Variants in GUCY1A2 observed in about 807,000 individuals in gnomAD.
The protein encoded by GUCY1A2 is guanylate cyclase soluble subunit alpha-2.
GUCY1A2 carries 27 observed loss-of-function variants against 63.5 expected under a neutral mutation model. The observed-to-expected ratio is 0.43, with a 90% CI of 0.31 to 0.59. The LOEUF (loss-of-function observed/expected upper bound fraction) is 0.59, where lower values mean the gene tolerates loss of function less well. Ranked by LOEUF, GUCY1A2 falls within the 20% of genes least tolerant of loss-of-function variation. The pLI is 0.11. For missense variants in GUCY1A2, 768 were observed against 913.3 expected (o/e 0.84, Z 2.05); for synonymous variants, 364 against 343.5 (o/e 1.06, Z -0.66).
intron 4 of GUCY1A2, among the ~76,000 whole-genome samples, chr11:106,815,517 T>C (rs1169647304): frequency 6.7e-6 from 1 of 148,362 alleles, no homozygotes; most frequent in Non-Finnish European, 1.5e-5. Flanking sequence ...ATAATAATAA[T>C]AATAAAAAAG....
At chr11:106,797,139 G>C (rs1248752363) in intron 5 of GUCY1A2, among the ~76,000 whole-genome samples, 2 of 151,976 alleles carry the variant, frequency 1.3e-5, no homozygotes, top group Non-Finnish European at 2.9e-5. Flanking sequence ...GTCATTTAAG[G>C]ACTTCTCTAC....
chr11:106,781,281 TAAG>T (rs370108751), intron 5 of GUCY1A2, among the ~76,000 whole-genome samples: 36 of 152,290 alleles, frequency 2.4e-4, no homozygotes, highest in African/African-American at 8.4e-4. Context: ...TGGCACTGGG[TAAG>T]AATAAAGATG....
At chr11:106,726,376 A>G (rs1348609529) in intron 6 of GUCY1A2, among the ~76,000 whole-genome samples, 2 of 152,282 alleles carry the variant, frequency 1.3e-5, no homozygotes, top group African/African-American at 2.4e-5. Context: ...AGACCGGGCC[A>G]TTGTACTCCA....
chr11:106,711,810 T>C (rs956672376), intron 6 of GUCY1A2, among the ~76,000 whole-genome samples: 3 of 152,194 alleles, frequency 2.0e-5, no homozygotes, highest in Admixed American at 6.5e-5. Context: ...TCACTGCATA[T>C]TGAATTCTAG....
intron 4 of GUCY1A2, among the ~76,000 whole-genome samples, chr11:106,882,749 A>G (rs534203725): frequency 1.7e-4 from 26 of 152,136 alleles, no homozygotes; most frequent in African/African-American, 6.0e-4. Flanking sequence ...TGCCATCAAA[A>G]TGTGTCCCCA....
chr11:106,744,199 T>G (rs564767369), intron 6 of GUCY1A2, among the ~76,000 whole-genome samples: 13 of 151,720 alleles, frequency 8.6e-5, no homozygotes, highest in Non-Finnish European at 1.9e-4. Flanking sequence ...AAACTTCTAG[T>G]ATAGCAAATA....
intron 4 of GUCY1A2, among the ~76,000 whole-genome samples, chr11:106,860,076 T>C (rs1315905461): frequency 2.6e-5 from 4 of 151,978 alleles, no homozygotes; most frequent in Admixed American, 6.6e-5. Context: ...GTGCTTTTAA[T>C]TGCTATTTTA....
intron 5 of GUCY1A2, among the ~76,000 whole-genome samples, chr11:106,780,171 C>A (rs1864433760): frequency 1.3e-5 from 2 of 152,096 alleles, no homozygotes; most frequent in African/African-American, 4.8e-5. Context: ...TTCTCTCTTT[C>A]TCTCCATAGG....
intron 4 of GUCY1A2, among the ~76,000 whole-genome samples, chr11:106,874,513 T>A (rs1290760249): frequency 2.6e-5 from 4 of 152,204 alleles, no homozygotes; most frequent in African/African-American, 7.2e-5. Context: ...GCATAGTGAC[T>A]GCTCTGTTCA....
chr11:106,699,761 A>T (rs891767500), intron 7 of GUCY1A2, among the ~76,000 whole-genome samples: 1 of 152,056 alleles, frequency 6.6e-6, no homozygotes, highest in South Asian at 2.1e-4. Flanking sequence ...TAAATCATAA[A>T]GAAAAATATG....
chr11:106,765,711 A>C (rs1864150800), intron 6 of GUCY1A2, among the ~76,000 whole-genome samples: 1 of 152,084 alleles, frequency 6.6e-6, no homozygotes, highest in Non-Finnish European at 1.5e-5. Context: ...TTACATGGTC[A>C]TTTGACCATC....
At position 106,824,951 on chromosome 11, in the gene GUCY1A2, T is replaced by C. The variant is rs1045792317; in HGVS notation, c.1207-14473A>G. Reference sequence around the variant, plus strand: ...GAGCTAAGAAAAGAAAAATCGATGATGCCTGACATGAATGTTACTAAATTT... The same window carrying C: ...GAGCTAAGAAAAGAAAAATCGATGACGCCTGACATGAATGTTACTAAATTT... On this transcript the variant is annotated intron_variant, in intron 4 of 7. Coordinates refer to ENST00000526355, the MANE Select transcript of GUCY1A2 (RefSeq NM_000855.3). 3.1e-6 allele frequency: 5 copies of C among 1,613,238 alleles called. No individual in the cohort carries two copies. The African/African-American group carries it at 6.7e-5, about 22-fold the overall frequency.
At chr11:106,735,670 T>C (rs1863576997) in intron 6 of GUCY1A2, among the ~76,000 whole-genome samples, 1 of 152,124 alleles carries the variant, frequency 6.6e-6, no homozygotes, top group Admixed American at 6.5e-5. Flanking sequence ...TGCTGGATCA[T>C]ATGGTAGTTT....
intron 6 of GUCY1A2, among the ~76,000 whole-genome samples, chr11:106,709,492 A>G (rs1484780650): frequency 5.4e-5 from 3 of 55,850 alleles, no homozygotes; most frequent in Non-Finnish European, 8.4e-5. Flanking sequence ...ATATTTATAT[A>G]TATATAATAA....
At chr11:106,995,694 TTGATTA>T (rs1197702623) in intron 1 of GUCY1A2, among the ~76,000 whole-genome samples, 1 of 152,140 alleles carries the variant, frequency 6.6e-6, no homozygotes, top group Non-Finnish European at 1.5e-5. Context: ...TATAAATCTC[TTGATTA>T]TGAAGTAGTC....
At chr11:106,859,593 A>G (rs1191269294) in intron 4 of GUCY1A2, among the ~76,000 whole-genome samples, 2 of 152,040 alleles carry the variant, frequency 1.3e-5, no homozygotes, top group African/African-American at 4.8e-5. Flanking sequence ...TGCATTTTTA[A>G]AAGTGAAATA....
chr11:106,853,920 G>C (rs1859390768), intron 4 of GUCY1A2, among the ~76,000 whole-genome samples: 1 of 152,204 alleles, frequency 6.6e-6, no homozygotes, highest in Non-Finnish European at 1.5e-5. Flanking sequence ...ATAAATGTGA[G>C]CAGTGAGTTC....
chr11:106,955,219 A>G (rs1466980075), intron 3 of GUCY1A2, among the ~76,000 whole-genome samples: 1 of 152,078 alleles, frequency 6.6e-6, no homozygotes, highest in Non-Finnish European at 1.5e-5. Flanking sequence ...TGATCCACCC[A>G]TCTCAGCCTC....
At chr11:106,713,607 C>T (rs1324957990) in intron 6 of GUCY1A2, among the ~76,000 whole-genome samples, 2 of 146,812 alleles carry the variant, frequency 1.4e-5, no homozygotes, top group Admixed American at 7.1e-5. Flanking sequence ...CCCGGGTTCA[C>T]GCCATTCTCC....
Sources: gnomAD v4.1 joint callset for allele counts (sites outside exome capture counted in the v4.1 genomes callset) on GRCh38, gnomAD v4.1.1 for gene constraint, MANE v1.5 for transcripts, NCBI Gene and HGNC (gene_info 2026-07-23, HGNC 2026-07-21) for gene names.